Variants in CHIA observed in about 807,000 individuals in gnomAD.
CHIA encodes the protein acidic mammalian chitinase.
Under a neutral mutation model 53.5 loss-of-function variants are expected in CHIA, and 47 were observed. That is an observed-to-expected ratio of 0.88 (90% CI 0.70 to 1.12). CHIA has a LOEUF of 1.12. CHIA is among the 50% of genes most tolerant of loss of function. CHIA has a pLI of 0.00. For synonymous variants in CHIA, 268 were observed against 222.2 expected, an observed-to-expected ratio of 1.21 and a Z score of -1.83; for missense variants, 652 against 592.2, an observed-to-expected ratio of 1.10 and a Z score of -1.05.
chr1:111,305,251 T>C (rs1214559372), intron 1 of CHIA, among the ~76,000 whole-genome samples: 1 of 152,166 alleles, frequency 6.6e-6, no homozygotes, highest in Non-Finnish European at 1.5e-5. Context: ...TTCCAAATGT[T>C]GGAAAGAGAA....
intron 4 of CHIA, 117 bp downstream of exon 4, chr1:111,312,508 T>C: frequency 1.2e-6 from 1 of 804,794 alleles, no homozygotes; most frequent in Non-Finnish European, 2.0e-6. Flanking sequence ...AGACTCTGCA[T>C]TTCATTTTTC....
intron 11 of CHIA, among the ~76,000 whole-genome samples, chr1:111,320,002 C>T (rs1159615737): frequency 2.0e-5 from 3 of 152,138 alleles, no homozygotes; most frequent in Non-Finnish European, 1.5e-5. Context: ...GAAAGAGCAA[C>T]CTTTTTTTAC....
chr1:111,318,099 A>T lies in CHIA; in HGVS notation c.719A>T (p.Tyr240Phe), dbSNP rs981393008. The T allele has an allele frequency of 1.2e-6, 2 of 1,612,532 alleles. No homozygotes were observed. Among genetic ancestry groups the T allele is most frequent in the African/African-American group, 2.7e-5 (2 of 75,010 alleles). ...KYPTDTGSNAYLNVDYVMNYW... is the reference protein window; with the variant it reads ...KYPTDTGSNAFLNVDYVMNYW... ...CCGACTGACACCGGCAGCAACGCCT[A>T]CCTCAATGTGGTGAGTCCCTGTACA... The change falls in exon 8 of 12, where the codon TAC (tyrosine) becomes TTC (phenylalanine). Residue 240 changes from tyrosine (Y) to phenylalanine (F), a missense_variant. By Grantham distance (22) the Tyr-to-Phe change is conservative. Coordinates refer to ENST00000369740, the MANE Select transcript of CHIA (RefSeq NM_201653.4).
In CHIA at chr1:111,320,353, G is replaced by A. The variant is rs138073907; in HGVS notation, c.1318G>A (p.Val440Met). ...CAVRANGLYP[V>M]ANNRNAFWHC... ...TGTCAGAGCCAACGGCCTCTACCCCGTGGCAAATAACAGAAATGCCTTCTG... is the reference window on the plus strand; with the variant it reads ...TGTCAGAGCCAACGGCCTCTACCCCATGGCAAATAACAGAAATGCCTTCTG... Residue 440 changes from valine to methionine, a missense_variant, in exon 12 of 12, where the codon GTG (valine) becomes ATG (methionine). Physicochemically the swap from Val to Met is conservative, Grantham distance 21 (BLOSUM62 1). Transcript: ENST00000369740. The A allele has an allele frequency of 1.7e-5, 27 of 1,614,118 alleles. No homozygotes were observed. The highest frequency in any genetic ancestry group is 1.6e-4 in the African/African-American group (12 of 74,946).
chr1:111,302,323 T>G (rs1051894407), intron 1 of CHIA, among the ~76,000 whole-genome samples: 2 of 152,184 alleles, frequency 1.3e-5, no homozygotes, highest in Admixed American at 6.5e-5. Flanking sequence ...TTTCTTTTTC[T>G]AGCTCCTTAG....
rs1649446104 is a variant in CHIA at position 111,319,277 on chromosome 1, C to T, written c.1035+38C>T. On this transcript the variant is annotated intron_variant, in intron 10 of 11. Coordinates refer to ENST00000369740, the MANE Select transcript of CHIA (RefSeq NM_201653.4). Reference sequence around the variant, plus strand: ...CCTTAAATGTGCTGAGGTCCCAGCCCTGAGTCCCAGGAAAGCAAGTGATTC... The same window carrying T: ...CCTTAAATGTGCTGAGGTCCCAGCCTTGAGTCCCAGGAAAGCAAGTGATTC... The T allele has an allele frequency of 2.5e-6, 4 of 1,614,084 alleles. No individual in the cohort carries two copies. In the East Asian group the frequency reaches 8.9e-5, roughly 36 times the overall value.
At chr1:111,294,936 T>G (rs1344233093) in intron 1 of CHIA, among the ~76,000 whole-genome samples, 1 of 152,202 alleles carries the variant, frequency 6.6e-6, no homozygotes, top group Admixed American at 6.5e-5. Context: ...TTCAGTTTAA[T>G]AGTATTTTGT....
At chr1:111,301,800 A>C (rs1459641840) in intron 1 of CHIA, among the ~76,000 whole-genome samples, 1 of 152,020 alleles carries the variant, frequency 6.6e-6, no homozygotes, top group South Asian at 2.1e-4. Context: ...AAACTATCAC[A>C]AGGACAGAAA....
At chr1:111,294,913 A>T (rs187687216) in intron 1 of CHIA, among the ~76,000 whole-genome samples, 1 of 152,274 alleles carries the variant, frequency 6.6e-6, no homozygotes, top group East Asian at 1.9e-4. Context: ...TAATCCCTTA[A>T]CATCCTGTTA....
At chr1:111,306,385 G>C (rs1450439048) in intron 1 of CHIA, among the ~76,000 whole-genome samples, 1 of 152,004 alleles carries the variant, frequency 6.6e-6, no homozygotes, top group Non-Finnish European at 1.5e-5. Context: ...AATTATGCTG[G>C]GGCAAGTAGT....
intron 1 of CHIA, among the ~76,000 whole-genome samples, chr1:111,291,764 T>TA (rs1249834053): frequency 1.6e-5 from 2 of 129,018 alleles, no homozygotes; most frequent in Non-Finnish European, 3.1e-5. Flanking sequence ...ATCTATATTT[T>TA]AAAAATAATT....
rs41282492 is a variant in CHIA, at chr1:111,312,267, A to G, written c.133A>G (p.Asn45Asp). 192,085 of 1,612,840 alleles carry G rather than the reference A, an allele frequency of 0.12. 12,455 individuals are homozygous for G. Among genetic ancestry groups the G allele is most frequent in the African/African-American group, 0.2 (14,781 of 74,910 alleles). ...RPGLGRFMPD[N>D]IDPCLCTHLI... Reference sequence around the variant, plus strand: ...AGGCCTGGGGCGCTTCATGCCTGACAACATCGACCCCTGCCTCTGTACCCA... The same window carrying G: ...AGGCCTGGGGCGCTTCATGCCTGACGACATCGACCCCTGCCTCTGTACCCA... The change falls in exon 4 of 12, where the codon AAC (asparagine) becomes GAC (aspartate). Residue 45 changes from asparagine (N) to aspartate (D), a missense_variant. Transcript: ENST00000369740.
intron 1 of CHIA, among the ~76,000 whole-genome samples, chr1:111,295,911 C>A (rs1661308991): frequency 6.6e-6 from 1 of 152,230 alleles, no homozygotes; most frequent in Admixed American, 6.5e-5. Flanking sequence ...AGATTATATC[C>A]CGCACCTGGC....
At chr1:111,311,379 T>C (rs1219337629) in intron 2 of CHIA, among the ~76,000 whole-genome samples, 3 of 152,220 alleles carry the variant, frequency 2.0e-5, no homozygotes, top group Non-Finnish European at 2.9e-5. Context: ...TGTGTCATCA[T>C]TGACTACAGT....
chr1:111,294,790 G>T (rs1383486107), intron 1 of CHIA, among the ~76,000 whole-genome samples: 1 of 152,158 alleles, frequency 6.6e-6, no homozygotes, highest in Non-Finnish European at 1.5e-5. Context: ...CAATTGAGAT[G>T]ATTATGCCAT....
At chr1:111,320,081 C>T in intron 11 of CHIA, 132 bp from the exon 12 acceptor site, 1 of 707,888 alleles carries the variant, frequency 1.4e-6, no homozygotes, top group South Asian at 1.8e-5. Flanking sequence ...ACTTTCTCTT[C>T]TCAGTTGCAG....
rs765842701 is a variant in CHIA, at chr1:111,312,306, T to G, written c.172T>G (p.Phe58Val). The change falls in exon 4 of 12, where the codon TTT becomes GTT. Residue 58 changes from phenylalanine to valine, a missense_variant. Physicochemically the swap from Phe to Val is conservative, Grantham distance 50. Transcript: ENST00000369740. ...CCTCTGTACCCACCTGATCTACGCC[T>G]TTGCTGGGAGGCAGAACAACGAGAT... ...PCLCTHLIYAFAGRQNNEITT... is the reference protein window; with the variant it reads ...PCLCTHLIYAVAGRQNNEITT... The G allele has an allele frequency of 3.1e-6, 5 of 1,613,988 alleles. No individual in the cohort carries two copies. The highest frequency in any genetic ancestry group is 3.4e-6 in the Non-Finnish European group (4 of 1,180,006).
chr1:111,317,518 C>G, intron 6 of CHIA, 163 bp from the exon 7 acceptor site: 2 of 712,306 alleles, frequency 2.8e-6, no homozygotes, highest in Non-Finnish European at 4.5e-6. Context: ...ATAATATTAT[C>G]TATCCGATCT....
chr1:111,304,727 G>A (rs1365854190), intron 1 of CHIA, among the ~76,000 whole-genome samples: 1 of 151,972 alleles, frequency 6.6e-6, no homozygotes, highest in East Asian at 1.9e-4. Context: ...TTTGCCATCA[G>A]GTCTTTTTCA....
Sources: gnomAD v4.1 joint callset for allele counts (sites outside exome capture counted in the v4.1 genomes callset) on GRCh38, gnomAD v4.1.1 for gene constraint, MANE v1.5 for transcripts, NCBI Gene and HGNC (gene_info 2026-07-23, HGNC 2026-07-21) for gene names.